Variants in CAMK2D observed in about 807,000 individuals in gnomAD.
The protein encoded by CAMK2D is calcium/calmodulin dependent protein kinase II delta.
In CAMK2D, 37 loss-of-function variants were observed where a neutral mutation model predicts 84.0. That is an observed-to-expected ratio of 0.44 (90% CI 0.34 to 0.58). The LOEUF (loss-of-function observed/expected upper bound fraction) is 0.58. Ranked by LOEUF, CAMK2D falls within the 20% of genes least tolerant of loss-of-function variation. The pLI is 0.02. For missense variants in CAMK2D, 448 were observed against 652.5 expected (o/e 0.69, Z 3.41); for synonymous variants, 202 against 212.5 (o/e 0.95, Z 0.43).
At chr4:113,740,115 T>C (rs1244811933) in intron 2 of CAMK2D, among the ~76,000 whole-genome samples, 1 of 152,188 alleles carries the variant, frequency 6.6e-6, no homozygotes, top group African/African-American at 2.4e-5. Context: ...TTTGTATTTC[T>C]TGAATGTGTG....
chr4:113,720,543 G>T lies in CAMK2D; in HGVS notation c.160+38777C>A, dbSNP rs17448108. Reference sequence around the variant, plus strand: ...GACTGGTGATTTGAATCTGATATTGGCCATCTATAAATGCTAAAAAGTATC... The same window carrying T: ...GACTGGTGATTTGAATCTGATATTGTCCATCTATAAATGCTAAAAAGTATC... On this transcript the variant is annotated intron_variant, in intron 2 of 20. Coordinates refer to ENST00000511664, the MANE Select transcript of CAMK2D (RefSeq NM_001321571.2). 2.6e-5 allele frequency among the ~76,000 whole-genome samples: 4 copies of T among 151,726 alleles called. No individual in the cohort carries two copies. The South Asian group carries it at 8.3e-4, about 32-fold the overall frequency.
intron 2 of CAMK2D, among the ~76,000 whole-genome samples, chr4:113,700,239 T>C (rs898284233): frequency 1.3e-5 from 2 of 152,216 alleles, no homozygotes; most frequent in African/African-American, 4.8e-5. Flanking sequence ...AGCTCATAAT[T>C]GTATATTGTC....
intron 2 of CAMK2D, among the ~76,000 whole-genome samples, chr4:113,665,036 T>C (rs1246501030): frequency 6.6e-6 from 1 of 152,212 alleles, no homozygotes; most frequent in East Asian, 1.9e-4. Context: ...ACTCCTGACC[T>C]CAGGTGATCC....
intron 2 of CAMK2D, among the ~76,000 whole-genome samples, chr4:113,751,646 T>C (rs1434577110): frequency 6.6e-6 from 1 of 152,130 alleles, no homozygotes; most frequent in African/African-American, 2.4e-5. Flanking sequence ...GGCACGCACC[T>C]GTAATCCCAG....
chr4:113,681,034 G>A (rs2099344216), intron 2 of CAMK2D, among the ~76,000 whole-genome samples: 1 of 152,146 alleles, frequency 6.6e-6, no homozygotes, highest in Non-Finnish European at 1.5e-5. Context: ...ATTATGAAGT[G>A]CTGGAAGACC....
At chr4:113,468,449 G>A (rs1006354968) in intron 16 of CAMK2D, among the ~76,000 whole-genome samples, 1 of 152,160 alleles carries the variant, frequency 6.6e-6, no homozygotes, top group Admixed American at 6.5e-5. Context: ...ATTTCACTGG[G>A]GCAAAGGAGC....
At chr4:113,660,689 C>A (rs1485284902) in intron 3 of CAMK2D, among the ~76,000 whole-genome samples, 1 of 152,082 alleles carries the variant, frequency 6.6e-6, no homozygotes, top group Non-Finnish European at 1.5e-5. Context: ...CCGCACCTGG[C>A]CTAAAGTAAA....
At chr4:113,598,330 C>T (rs980227753) in intron 4 of CAMK2D, among the ~76,000 whole-genome samples, 4 of 149,528 alleles carry the variant, frequency 2.7e-5, no homozygotes, top group African/African-American at 9.7e-5. Context: ...TGAAAACTCA[C>T]ATTAAAAAAA....
intron 4 of CAMK2D, among the ~76,000 whole-genome samples, chr4:113,555,212 C>G (rs1278889840): frequency 6.6e-6 from 1 of 152,112 alleles, no homozygotes; most frequent in African/African-American, 2.4e-5. Context: ...CAAGTAGAGT[C>G]AAAGACTGGG....
chr4:113,643,503 C>T (rs2099140350), intron 3 of CAMK2D, among the ~76,000 whole-genome samples: 1 of 152,230 alleles, frequency 6.6e-6, no homozygotes, highest in Admixed American at 6.5e-5. Flanking sequence ...TATCAATCAC[C>T]AGTCATAAGA....
intron 4 of CAMK2D, among the ~76,000 whole-genome samples, chr4:113,605,731 C>T (rs2098974214): frequency 6.6e-6 from 1 of 152,148 alleles, no homozygotes; most frequent in South Asian, 2.1e-4. Flanking sequence ...ATAACCTCAC[C>T]TAGCCATAAG....
intron 1 of CAMK2D, 21 bp from the exon 2 acceptor site, chr4:113,759,435 G>T (rs775894351): frequency 2.9e-6 from 4 of 1,395,088 alleles, no homozygotes; most frequent in South Asian, 2.5e-5. Context: ...ATAATTAGCA[G>T]GTCATTAATA....
intron 2 of CAMK2D, among the ~76,000 whole-genome samples, chr4:113,741,279 C>A (rs191773252): frequency 1.3e-5 from 2 of 152,084 alleles, no homozygotes; most frequent in East Asian, 3.9e-4. Context: ...ATGCTAAGAT[C>A]TATGGTAAGA....
intron 2 of CAMK2D, among the ~76,000 whole-genome samples, chr4:113,738,637 C>G (rs142042943): frequency 6.6e-6 from 1 of 151,944 alleles, no homozygotes; most frequent in South Asian, 2.1e-4. Context: ...AGAATCCTGT[C>G]TATATATGTA....
At chr4:113,528,961 G>T (rs1446883445) in intron 8 of CAMK2D, among the ~76,000 whole-genome samples, 2 of 152,170 alleles carry the variant, frequency 1.3e-5, no homozygotes, top group Non-Finnish European at 1.5e-5. Context: ...ATACTCTCAG[G>T]TAGGTAGCAG....
intron 4 of CAMK2D, among the ~76,000 whole-genome samples, chr4:113,592,269 G>C (rs1442133405): frequency 6.6e-6 from 1 of 152,144 alleles, no homozygotes; most frequent in East Asian, 1.9e-4. Flanking sequence ...GTGCATGGCA[G>C]AAAATATCAT....
At chr4:113,525,302 A>G (rs1450322965) in intron 8 of CAMK2D, among the ~76,000 whole-genome samples, 7 of 152,198 alleles carry the variant, frequency 4.6e-5, no homozygotes, top group African/African-American at 1.7e-4. Context: ...GGAGAGACCT[A>G]TGTTATAGGC....
rs190261248 is a variant in CAMK2D, at chr4:113,494,845, C to A, written c.1135+5618G>T. On this transcript the variant is annotated intron_variant, in intron 16 of 20. Coordinates refer to ENST00000511664, the MANE Select transcript of CAMK2D (RefSeq NM_001321571.2). ...AGGTGCGGGATATAATCTCCTGGTG[C>A]GCCGTTTTTTAAGCCCGTCGGAAAA... is the stretch of plus-strand genomic sequence containing the variant. Among the ~76,000 whole-genome samples the A allele has an allele frequency of 5.3e-5, 8 of 152,260 alleles. No individual in the cohort carries two copies. In the East Asian group the frequency reaches 1.4e-3, roughly 26 times the overall value.
intron 3 of CAMK2D, among the ~76,000 whole-genome samples, chr4:113,654,453 A>C (rs2099189755): frequency 6.6e-6 from 1 of 152,028 alleles, no homozygotes; most frequent in African/African-American, 2.4e-5. Context: ...CAGGGCTAAT[A>C]TATATGGTAG....
Sources: gnomAD v4.1 joint callset for allele counts (sites outside exome capture counted in the v4.1 genomes callset) on GRCh38, gnomAD v4.1.1 for gene constraint, MANE v1.5 for transcripts, NCBI Gene and HGNC (gene_info 2026-07-23, HGNC 2026-07-21) for gene names.